Variants in CREB5 observed in about 807,000 individuals in gnomAD.
CREB5 encodes the protein cyclic AMP-responsive element-binding protein 5.
In CREB5, 19 loss-of-function variants were observed where a neutral mutation model predicts 57.1. The ratio of observed to expected loss-of-function variants is 0.33; its 90% CI spans 0.23 to 0.49. CREB5 has a LOEUF of 0.49. Ranked by LOEUF, CREB5 falls within the 20% of genes least tolerant of loss-of-function variation. CREB5 has a pLI of 0.99. For missense variants in CREB5, 579 were observed against 671.6 expected (o/e 0.86, Z 1.52); for synonymous variants, 238 against 238.3 (o/e 1.00, Z 0.01).
At chr7:28,575,658 T>G (rs1164279603) in intron 5 of CREB5, among the ~76,000 whole-genome samples, 1 of 152,182 alleles carries the variant, frequency 6.6e-6, no homozygotes, top group Non-Finnish European at 1.5e-5. Flanking sequence ...CCCCTTTGAG[T>G]AATGCAGACC....
chr7:28,475,774 C>A (rs9791765), intron 1 of CREB5, among the ~76,000 whole-genome samples: 23,404 of 152,062 alleles, frequency 0.15, 1,962 homozygotes, highest in East Asian at 0.2. Context: ...GGTAGCCAGG[C>A]ACATATGGGG....
chr7:28,401,260 A>G (rs1165682468), intron 1 of CREB5, among the ~76,000 whole-genome samples: 4 of 152,114 alleles, frequency 2.6e-5, no homozygotes, highest in Non-Finnish European at 5.9e-5. Context: ...TCAAGAGAAA[A>G]CATTAAATTT....
At chr7:28,587,302 A>G (rs773209337) in intron 5 of CREB5, among the ~76,000 whole-genome samples, 7 of 152,206 alleles carry the variant, frequency 4.6e-5, no homozygotes, top group Non-Finnish European at 1.0e-4. Context: ...GGCACCTTTT[A>G]TGTAAAATCA....
intron 4 of CREB5, among the ~76,000 whole-genome samples, chr7:28,528,220 T>C (rs1162700621): frequency 2.0e-5 from 3 of 152,224 alleles, no homozygotes; most frequent in Non-Finnish European, 4.4e-5. Flanking sequence ...GCCCATCGCT[T>C]CTACCTGTGT....
At chr7:28,373,806 T>C (rs1218080121) in intron 1 of CREB5, among the ~76,000 whole-genome samples, 2 of 152,070 alleles carry the variant, frequency 1.3e-5, no homozygotes, top group African/African-American at 2.4e-5. Context: ...CATATACATA[T>C]ATTCAGGAAA....
chr7:28,753,937 C>G (rs148418667), intron 7 of CREB5, among the ~76,000 whole-genome samples: 6 of 150,782 alleles, frequency 4.0e-5, no homozygotes, highest in Non-Finnish European at 8.9e-5. Context: ...AGAAGACGAT[C>G]TTTTTTATAT....
Position 28,414,617 on chromosome 7 carries a change from A to G in CREB5, c.3+1700A>G, listed in dbSNP as rs1466227543. ...TAAGTAAGCTATCTATTTTGTGGCA[A>G]TGCTTTAAATACAAAGTCTGGCACT... is the stretch of plus-strand genomic sequence containing the variant. On this transcript the variant is annotated intron_variant, in intron 1 of 10. Coordinates refer to ENST00000357727, the MANE Select transcript of CREB5 (RefSeq NM_182898.4). Among the ~76,000 whole-genome samples the G allele has an allele frequency of 3.3e-5, 5 of 152,298 alleles. No individual in the cohort carries two copies. The East Asian group carries it at 9.6e-4, about 29-fold the overall frequency.
At chr7:28,593,991 C>G (rs1475245491) in intron 5 of CREB5, among the ~76,000 whole-genome samples, 2 of 152,222 alleles carry the variant, frequency 1.3e-5, no homozygotes, top group Non-Finnish European at 2.9e-5. Context: ...GAGCCCCTGA[C>G]TTTGGGTTCC....
At chr7:28,376,279 T>C (rs990676660) in intron 1 of CREB5, among the ~76,000 whole-genome samples, 1 of 151,060 alleles carries the variant, frequency 6.6e-6, no homozygotes, top group Non-Finnish European at 1.5e-5. Flanking sequence ...TACTTTTTTT[T>C]TTTTTTTTTT....
intron 4 of CREB5, among the ~76,000 whole-genome samples, chr7:28,569,834 C>T (rs1346514377): frequency 6.6e-6 from 1 of 152,184 alleles, no homozygotes; most frequent in African/African-American, 2.4e-5. Context: ...CACGCATCCT[C>T]ATTCCACAGG....
chr7:28,768,932 C>T (rs368498290), intron 7 of CREB5, among the ~76,000 whole-genome samples: 1 of 152,168 alleles, frequency 6.6e-6, no homozygotes, highest in Admixed American at 6.5e-5. Flanking sequence ...GGCAGCCCCT[C>T]GGGCAAAGCA....
intron 1 of CREB5, among the ~76,000 whole-genome samples, chr7:28,402,199 A>G (rs1440140085): frequency 6.6e-6 from 1 of 152,218 alleles, no homozygotes; most frequent in Non-Finnish European, 1.5e-5. Context: ...TGTTGGCTGC[A>G]TAAATGTCTT....
intron 4 of CREB5, among the ~76,000 whole-genome samples, chr7:28,549,140 A>G (rs1012009988): frequency 3.3e-5 from 5 of 152,174 alleles, no homozygotes; most frequent in Admixed American, 6.5e-5. Flanking sequence ...TTTCCATTCC[A>G]CATTTATTTT....
At chr7:28,405,548 G>T (rs2128000394) in intron 1 of CREB5, among the ~76,000 whole-genome samples, 1 of 152,190 alleles carries the variant, frequency 6.6e-6, no homozygotes, top group East Asian at 1.9e-4. Context: ...GAGTAGCTGA[G>T]ACCACAGGTG....
chr7:28,433,389 G>T (rs1333024253), intron 1 of CREB5, among the ~76,000 whole-genome samples: 1 of 152,136 alleles, frequency 6.6e-6, no homozygotes, highest in Non-Finnish European at 1.5e-5. Flanking sequence ...ATTAAAAGGG[G>T]TATTGAACAT....
chr7:28,384,186 G>A (rs1048421003), intron 1 of CREB5, among the ~76,000 whole-genome samples: 5 of 152,140 alleles, frequency 3.3e-5, no homozygotes, highest in Non-Finnish European at 5.9e-5. Flanking sequence ...TGAAAAAGAG[G>A]CCAAAGGACG....
chr7:28,468,608 C>G (rs1418204830), intron 1 of CREB5, among the ~76,000 whole-genome samples: 1 of 152,186 alleles, frequency 6.6e-6, no homozygotes, highest in Non-Finnish European at 1.5e-5. Flanking sequence ...AATCCTGACT[C>G]CTACAGGTCG....
chr7:28,406,705 T>G (rs1329072601), intron 1 of CREB5, among the ~76,000 whole-genome samples: 2 of 152,114 alleles, frequency 1.3e-5, no homozygotes, highest in Non-Finnish European at 2.9e-5. Context: ...ATAGCTGCTC[T>G]CAGCAACTGC....
chr7:28,634,413 T>A (rs368929000), intron 5 of CREB5, among the ~76,000 whole-genome samples: 20 of 152,282 alleles, frequency 1.3e-4, no homozygotes, highest in Middle Eastern at 3.4e-3. Flanking sequence ...TAATGAAAAA[T>A]ATTTTAAAAT....
Sources: allele counts gnomAD v4.1 joint callset (sites outside exome capture counted in the v4.1 genomes callset), GRCh38; gene constraint gnomAD v4.1.1; transcripts MANE v1.5; gene names NCBI Gene and HGNC (gene_info 2026-07-23, HGNC 2026-07-21).